ADGB: variants seen among roughly 807,000 people sequenced by gnomAD.
ADGB encodes androglobin, also known as calpain-7-like protein.
A neutral mutation model predicts 210.5 loss-of-function variants in ADGB; 172 were observed. The observed-to-expected ratio is 0.82, with a 90% CI of 0.72 to 0.93. The LOEUF (loss-of-function observed/expected upper bound fraction) is 0.93, where lower values mean the gene tolerates loss of function less well. ADGB is among the 40% of genes least tolerant of loss of function. The pLI is 0.00. For missense variants in ADGB, 2,025 were observed against 1,964.8 expected (o/e 1.03, Z -0.58); for synonymous variants, 658 against 662.7 (o/e 0.99, Z 0.11).
chr6:146,752,446 G>A, intron 26 of ADGB, 84 bp from the exon 27 acceptor site: 1 of 1,248,556 alleles, frequency 8.0e-7, no homozygotes, highest in South Asian at 1.6e-5. Flanking sequence ...TTTGGGCAGG[G>A]ACATATATCC....
intron 2 of ADGB, among the ~76,000 whole-genome samples, chr6:146,641,466 A>T (rs981590394): frequency 6.6e-6 from 1 of 151,730 alleles, no homozygotes; most frequent in African/African-American, 2.4e-5. Context: ...AAAAAAAAAA[A>T]GCTGGAGGAA....
intron 35 of ADGB, chr6:146,802,511 G>A (rs548703243): frequency 6.8e-6 from 2 of 296,200 alleles, no homozygotes; most frequent in African/African-American, 2.2e-5. Context: ...AGTTCTTAAT[G>A]TTACCAAATA....
At position 146,721,493 on chromosome 6, in the gene ADGB, G is replaced by A. The variant is rs936517087; in HGVS notation, c.2083G>A (p.Gly695Arg). Reference sequence around the variant, plus strand: ...TTGCTTTTCTGCATTGGTACGCTGGGGGGAGTATGGAGGTAAGAGGGCTCT... The same window carrying A: ...TTGCTTTTCTGCATTGGTACGCTGGAGGGAGTATGGAGGTAAGAGGGCTCT... ...LVCFSALVRW[G>R]EYGALTKDSP... Residue 695 changes from glycine to arginine, a missense_variant, in exon 17 of 36, where the codon GGG becomes AGG. Gly to Arg is a moderately radical substitution (Grantham distance 125). Coordinates refer to ENST00000397944, the MANE Select transcript of ADGB (RefSeq NM_024694.4). 8.4e-6 allele frequency: 13 copies of A among 1,546,060 alleles called. No homozygotes were observed. The highest frequency in any genetic ancestry group is 9.6e-6 in the Non-Finnish European group (11 of 1,142,274).
intron 2 of ADGB, among the ~76,000 whole-genome samples, chr6:146,641,466 A>C (rs981590394): frequency 6.6e-6 from 1 of 151,730 alleles, no homozygotes; most frequent in Admixed American, 6.6e-5. Context: ...AAAAAAAAAA[A>C]GCTGGAGGAA....
rs1562283927 is a variant in ADGB at position 146,724,289 on chromosome 6, A to G, written c.2199A>G (p.Thr733=). Residue 733 remains threonine, a synonymous_variant, in exon 18 of 36, where the codon ACA becomes ACG. Transcript: ENST00000397944. The part of the protein sequence containing the change: ...KPGSLVLKIH[T]YATKATVVRL... ...GCAGTCTTGTTCTGAAGATTCACACATATGCTACCAAGGCTACAGTGGTTC... is the reference window on the plus strand; with the variant it reads ...GCAGTCTTGTTCTGAAGATTCACACGTATGCTACCAAGGCTACAGTGGTTC... 6.5e-7 allele frequency: 1 copy of G among 1,550,060 alleles called. No homozygotes were observed.
At chr6:146,687,873 A>G (rs1346047881) in intron 10 of ADGB, among the ~76,000 whole-genome samples, 1 of 152,130 alleles carries the variant, frequency 6.6e-6, no homozygotes, top group Non-Finnish European at 1.5e-5. Flanking sequence ...ACAAAGTGTA[A>G]GCACAGGATA....
chr6:146,687,161 C>T (rs1446769991), intron 10 of ADGB, among the ~76,000 whole-genome samples: 1 of 151,970 alleles, frequency 6.6e-6, no homozygotes, highest in Non-Finnish European at 1.5e-5. Flanking sequence ...AAAACATTAG[C>T]CATGGTTAAA....
chr6:146,804,972 T>A (rs1778189852), intron 35 of ADGB, among the ~76,000 whole-genome samples: 1 of 152,322 alleles, frequency 6.6e-6, no homozygotes, highest in Non-Finnish European at 1.5e-5. Flanking sequence ...AAAACTTTAC[T>A]TAGAAAAATA....
At chr6:146,631,269 T>C (rs1471495699) in intron 1 of ADGB, among the ~76,000 whole-genome samples, 2 of 152,168 alleles carry the variant, frequency 1.3e-5, no homozygotes, top group African/African-American at 4.8e-5. Flanking sequence ...TACCAGAGTG[T>C]GACCAGGTGT....
intron 32 of ADGB, 57 bp downstream of exon 32, chr6:146,785,769 C>T: frequency 8.0e-7 from 1 of 1,253,320 alleles, no homozygotes; most frequent in Non-Finnish European, 1.1e-6. Flanking sequence ...ATTTGCACTT[C>T]TTAAAAAAAT....
At chr6:146,705,490 A>T (rs983975419) in intron 13 of ADGB, among the ~76,000 whole-genome samples, 3 of 152,110 alleles carry the variant, frequency 2.0e-5, no homozygotes, top group Non-Finnish European at 4.4e-5. Flanking sequence ...TCATAAAAGG[A>T]TGTTGAATTT....
intron 3 of ADGB, among the ~76,000 whole-genome samples, chr6:146,648,119 T>G: frequency 7.3e-6 from 1 of 137,310 alleles, no homozygotes; most frequent in South Asian, 2.3e-4. Context: ...ATTTACCATC[T>G]GAGTTTTTTA....
Position 146,721,563 on chromosome 6 carries a change from C to CATGCAATAATAAGATTTTTA in ADGB, c.2095+58_2095+59insATGCAATAATAAGATTTTTA, listed in dbSNP as rs1562283244. On this transcript the variant is annotated intron_variant, in intron 17 of 35. Coordinates refer to ENST00000397944, the MANE Select transcript of ADGB (RefSeq NM_024694.4). ...AGCCTAGATCATGTTCAGGCTAGGG[C>CATGCAATAATAAGATTTTTA]GTGGTGGCTCACGCCTGTAATCCCA... 1.0e-3 allele frequency: 293 copies of CATGCAATAATAAGATTTTTA among 282,096 alleles called. 2 individuals are homozygous for CATGCAATAATAAGATTTTTA. Among genetic ancestry groups the CATGCAATAATAAGATTTTTA allele is most frequent in the Non-Finnish European group, 1.2e-3 (230 of 193,208 alleles). The allele number at this position is 282,096 out of a possible 1,614,324, so 17.5% of individuals were successfully genotyped here.
intron 33 of ADGB, among the ~76,000 whole-genome samples, chr6:146,791,690 C>T (rs1025395262): frequency 6.6e-6 from 1 of 152,012 alleles, no homozygotes; most frequent in Non-Finnish European, 1.5e-5. Flanking sequence ...ATGTGAATAT[C>T]AGGTTTTCCA....
intron 19 of ADGB, among the ~76,000 whole-genome samples, chr6:146,728,029 G>A (rs1201073524): frequency 6.6e-6 from 1 of 152,086 alleles, no homozygotes; most frequent in Non-Finnish European, 1.5e-5. Flanking sequence ...GCTGCTTCCA[G>A]GCAACTCCAG....
intron 35 of ADGB, chr6:146,807,582 A>G (rs1181461982): frequency 6.5e-7 from 1 of 1,537,208 alleles, no homozygotes; most frequent in African/African-American, 1.4e-5. Flanking sequence ...AGGAAAGAAA[A>G]AGTAACCAGG....
chr6:146,771,148 T>C (rs978801883), intron 29 of ADGB, among the ~76,000 whole-genome samples: 2 of 152,072 alleles, frequency 1.3e-5, no homozygotes, highest in African/African-American at 4.8e-5. Flanking sequence ...TTGATTCCCT[T>C]GTTGTGGTTG....
chr6:146,686,486 C>T (rs138349845), intron 10 of ADGB, among the ~76,000 whole-genome samples: 6 of 152,134 alleles, frequency 3.9e-5, no homozygotes, highest in Non-Finnish European at 5.9e-5. Flanking sequence ...TGGAATCACA[C>T]TTTATGTTAC....
At chr6:146,643,931 A>T (rs887804797) in intron 2 of ADGB, among the ~76,000 whole-genome samples, 1 of 151,886 alleles carries the variant, frequency 6.6e-6, no homozygotes. Context: ...ATTATACCAC[A>T]AATGGTGGGA....
Sources: allele counts gnomAD v4.1 joint callset (sites outside exome capture counted in the v4.1 genomes callset), GRCh38; gene constraint gnomAD v4.1.1; transcripts MANE v1.5; gene names NCBI Gene and HGNC (gene_info 2026-07-23, HGNC 2026-07-21).